The following ELP1 variants were observed in gnomAD, a reference collection of about 807,000 sequenced individuals.
The protein encoded by ELP1 is elongator complex protein 1.
In ELP1, 131 loss-of-function variants were observed where a neutral mutation model predicts 183.2. The ratio of observed to expected loss-of-function variants is 0.72; its 90% CI spans 0.62 to 0.83. The LOEUF (loss-of-function observed/expected upper bound fraction) is 0.83, where lower values mean the gene tolerates loss of function less well. Among genes scored for constraint, ELP1 ranks in the 40% least tolerant of loss-of-function variants. ELP1 has a pLI of 0.00. For missense variants in ELP1, 1,550 were observed against 1,594.9 expected (o/e 0.97, Z 0.48); for synonymous variants, 555 against 569.0 (o/e 0.98, Z 0.35).
In ELP1 at chr9:108,929,758, CT is replaced by C; in HGVS notation, c.303+10del. On this transcript the variant is annotated intron_variant, in intron 3 of 36. Transcript: ENST00000374647. ...CTTGAGACTCCCCCCTCACTGGAGT[CT>C]TCCACTTACCTGTTGTGTGCTGAGA... is the stretch of plus-strand genomic sequence containing the variant. 6.2e-7 allele frequency: 1 copy of C among 1,614,032 alleles called. No individual in the cohort carries two copies. Among genetic ancestry groups the C allele is most frequent in the African/African-American group, 1.3e-5 (1 of 75,048 alleles).
chr9:108,912,786 G>A (rs139379561), intron 10 of ELP1, among the ~76,000 whole-genome samples: 19 of 134,624 alleles, frequency 1.4e-4, no homozygotes, highest in African/African-American at 4.0e-4. Flanking sequence ...ACAGAGTCTC[G>A]CTCTGCCGGC....
intron 3 of ELP1, 73 bp downstream of exon 3, chr9:108,929,696 A>G: frequency 4.6e-6 from 7 of 1,506,170 alleles, no homozygotes; most frequent in Admixed American, 1.7e-5. Context: ...ACTGATTTGA[A>G]AACTTCCACA....
intron 6 of ELP1, 68 bp from the exon 7 acceptor site, chr9:108,919,417 G>T: frequency 2.0e-6 from 2 of 1,014,408 alleles, no homozygotes; most frequent in South Asian, 1.3e-5. Flanking sequence ...ACAAGCCTCA[G>T]ACCACTAGAT....
intron 12 of ELP1, 138 bp downstream of exon 12, chr9:108,910,869 CATA>C: frequency 1.6e-6 from 1 of 636,430 alleles, no homozygotes; most frequent in South Asian, 1.7e-5. Flanking sequence ...AATTAAATAT[CATA>C]ATGATAATGA....
intron 35 of ELP1, chr9:108,875,740 G>GA (rs1399266642): frequency 4.7e-6 from 2 of 427,324 alleles, no homozygotes; most frequent in Non-Finnish European, 9.3e-6. Flanking sequence ...CCATGTCTAG[G>GA]AAAAAATTTT....
At chr9:108,888,063 A>C (rs1056803905) in intron 29 of ELP1, among the ~76,000 whole-genome samples, 2 of 152,248 alleles carry the variant, frequency 1.3e-5, no homozygotes, top group South Asian at 4.1e-4. Context: ...TGACATATAC[A>C]TATAATGGGA....
At chr9:108,870,382 A>ACT (rs1587862617) in intron 36 of ELP1, among the ~76,000 whole-genome samples, 1 of 152,384 alleles carries the variant, frequency 6.6e-6, no homozygotes, top group East Asian at 1.9e-4. Context: ...TGTATTATAT[A>ACT]CTACATTCCT....
chr9:108,924,425 AC>A (rs1829763340), intron 5 of ELP1, among the ~76,000 whole-genome samples: 1 of 151,870 alleles, frequency 6.6e-6, no homozygotes, highest in Non-Finnish European at 1.5e-5. Context: ...CATTTCTGAG[AC>A]CTAAGATCTT....
At chr9:108,902,335 T>C (rs1176484507) in intron 16 of ELP1, among the ~76,000 whole-genome samples, 1 of 152,130 alleles carries the variant, frequency 6.6e-6, no homozygotes, top group Non-Finnish European at 1.5e-5. Flanking sequence ...CATCTCAGTA[T>C]TCTCTACCAG....
intron 25 of ELP1, 130 bp downstream of exon 25, chr9:108,896,366 C>A: frequency 1.2e-6 from 1 of 829,090 alleles, no homozygotes; most frequent in Non-Finnish European, 2.0e-6. Context: ...CCTAGAAACT[C>A]ACAGATCTGT....
chr9:108,870,068 T>C (rs1057475787), intron 36 of ELP1, among the ~76,000 whole-genome samples: 2 of 151,984 alleles, frequency 1.3e-5, no homozygotes, highest in Non-Finnish European at 2.9e-5. Flanking sequence ...CTCGACCCCC[T>C]GGGTTCAAGC....
chr9:108,899,667 T>TTAA (rs1554696056), intron 20 of ELP1, among the ~76,000 whole-genome samples, 155 bp downstream of exon 20: 2 of 138,632 alleles, frequency 1.4e-5, no homozygotes, highest in African/African-American at 5.3e-5. Flanking sequence ...GTAAAAAAGT[T>TTAA]AAAAAAAAAA....
intron 1 of ELP1, among the ~76,000 whole-genome samples, chr9:108,931,769 A>G (rs1267582075): frequency 6.6e-6 from 1 of 152,260 alleles, no homozygotes; most frequent in African/African-American, 2.4e-5. Context: ...ATACTGGGAC[A>G]TGACAACAAT....
intron 14 of ELP1, among the ~76,000 whole-genome samples, chr9:108,905,736 C>A (rs940382721): frequency 6.6e-6 from 1 of 152,130 alleles, no homozygotes. Context: ...GCCTACTACA[C>A]CCCTAGCCTA....
chr9:108,894,118 A>G (rs1477216568), intron 25 of ELP1, 52 bp from the exon 26 acceptor site: 8 of 1,126,720 alleles, frequency 7.1e-6, no homozygotes, highest in Non-Finnish European at 1.3e-6. Context: ...CATATATAGG[A>G]ATAGAAACTA....
chr9:108,922,062 T>C (rs1829666963), intron 6 of ELP1, among the ~76,000 whole-genome samples: 1 of 152,220 alleles, frequency 6.6e-6, no homozygotes, highest in African/African-American at 2.4e-5. Context: ...TAATGTAATC[T>C]GTACTTTTCT....
intron 36 of ELP1, among the ~76,000 whole-genome samples, chr9:108,871,358 G>C (rs1564205947): frequency 6.6e-6 from 1 of 152,070 alleles, no homozygotes; most frequent in Non-Finnish European, 1.5e-5. Flanking sequence ...GTGGCCTCGG[G>C]CATTCTCCAG....
chr9:108,904,284 C>T (rs1202426089), intron 14 of ELP1, among the ~76,000 whole-genome samples: 1 of 136,298 alleles, frequency 7.3e-6, no homozygotes, highest in Non-Finnish European at 1.6e-5. Context: ...TGCTCTGTTG[C>T]CCAGGTTGAA....
At chr9:108,920,069 A>C (rs1466504276) in intron 6 of ELP1, among the ~76,000 whole-genome samples, 2 of 152,210 alleles carry the variant, frequency 1.3e-5, no homozygotes, top group East Asian at 3.8e-4. Flanking sequence ...ATAGAAACCA[A>C]ACCTCCTTTA....
Sources: gnomAD v4.1 joint callset for allele counts (sites outside exome capture counted in the v4.1 genomes callset) on GRCh38, gnomAD v4.1.1 for gene constraint, MANE v1.5 for transcripts, NCBI Gene and HGNC (gene_info 2026-07-23, HGNC 2026-07-21) for gene names.